RAPGEF4: variants seen among roughly 807,000 people sequenced by gnomAD.
RAPGEF4 encodes Rap guanine nucleotide exchange factor 4.
Under a neutral mutation model 147.9 loss-of-function variants are expected in RAPGEF4, and 66 were observed. That is an observed-to-expected ratio of 0.45 (90% CI 0.37 to 0.55). The LOEUF (loss-of-function observed/expected upper bound fraction) is 0.55, where lower values mean the gene tolerates loss of function less well. RAPGEF4 is among the 20% of genes least tolerant of loss of function. The pLI, the probability that RAPGEF4 is intolerant of heterozygous loss-of-function variation, is 0.00. For missense variants in RAPGEF4, 1,071 were observed against 1,257.3 expected (o/e 0.85, Z 2.24); for synonymous variants, 419 against 442.7 (o/e 0.95, Z 0.67).
intron 4 of RAPGEF4, among the ~76,000 whole-genome samples, chr2:172,851,477 A>G (rs1692819792): frequency 6.6e-6 from 1 of 152,292 alleles, no homozygotes; most frequent in South Asian, 2.1e-4. Context: ...TCGAGCGACT[A>G]TAAAGACACA....
At chr2:172,799,240 G>T (rs1289441190) in intron 3 of RAPGEF4, among the ~76,000 whole-genome samples, 1 of 152,112 alleles carries the variant, frequency 6.6e-6, no homozygotes, top group Non-Finnish European at 1.5e-5. Context: ...CAACCATGAG[G>T]TAGGTCGTAT....
At chr2:172,789,130 A>G (rs934965080) in intron 1 of RAPGEF4, among the ~76,000 whole-genome samples, 5 of 152,236 alleles carry the variant, frequency 3.3e-5, no homozygotes, top group African/African-American at 1.2e-4. Context: ...TGCCAGCAAA[A>G]GAACCTCTCA....
At chr2:172,926,404 G>C (rs775027124) in intron 6 of RAPGEF4, among the ~76,000 whole-genome samples, 2 of 152,102 alleles carry the variant, frequency 1.3e-5, no homozygotes, top group Non-Finnish European at 2.9e-5. Flanking sequence ...ACTGCTATGG[G>C]GTTTCCTAGT....
chr2:173,027,119 T>A lies in RAPGEF4; in HGVS notation c.2418T>A (p.Phe806Leu). The A allele has an allele frequency of 6.2e-7, 1 of 1,610,046 alleles. No homozygotes were observed. Among genetic ancestry groups the A allele is most frequent in the East Asian group, 2.2e-5 (1 of 44,836 alleles). Reference sequence around the variant, plus strand: ...ATCACACATTTGGAAGGCATAATTTTAAAAAGACCACAGCAAACTTGGATT... The same window carrying A: ...ATCACACATTTGGAAGGCATAATTTAAAAAAGACCACAGCAAACTTGGATT... ...LIYHTFGRHN[F>L]KKTTANLDLF... The change falls in exon 25 of 31, where the codon TTT becomes TTA. Residue 806 changes from phenylalanine to leucine, a missense_variant. Transcript: ENST00000397081.
chr2:172,974,573 A>C (rs550759433), intron 10 of RAPGEF4, among the ~76,000 whole-genome samples: 1 of 152,232 alleles, frequency 6.6e-6, no homozygotes, highest in Admixed American at 6.5e-5. Context: ...AATCCCAGCT[A>C]TCAGGAGGCT....
At chr2:172,968,166 C>A (rs1452934256) in intron 10 of RAPGEF4, among the ~76,000 whole-genome samples, 1 of 152,204 alleles carries the variant, frequency 6.6e-6, no homozygotes, top group Non-Finnish European at 1.5e-5. Flanking sequence ...TCCTGATCCT[C>A]AGGGAAACCT....
rs1575007370 is a variant in RAPGEF4, at chr2:172,841,455, A to ATGGCTG, written c.444+27030_444+27031insTGGCTG. On this transcript the variant is annotated intron_variant, in intron 4 of 30. Transcript: ENST00000397081. Reference sequence around the variant, plus strand: ...TCTTCTTTATAAACTACCCAGCCTCAGGTATTCCTTTATGGCAATACAAAC... The same window carrying ATGGCTG: ...TCTTCTTTATAAACTACCCAGCCTCATGGCTGGGTATTCCTTTATGGCAATACAAAC... Among the ~76,000 whole-genome samples, 5 of 152,312 alleles carry ATGGCTG rather than the reference A, an allele frequency of 3.3e-5. No individual in the cohort carries two copies. In the East Asian group the frequency reaches 9.6e-4, roughly 29 times the overall value.
At chr2:172,777,330 CATT>C (rs1026153905) in intron 1 of RAPGEF4, among the ~76,000 whole-genome samples, 2 of 151,734 alleles carry the variant, frequency 1.3e-5, no homozygotes, top group African/African-American at 4.8e-5. Flanking sequence ...ATAATCCAGA[CATT>C]GTTCTCGGTA....
chr2:172,979,666 C>T (rs908044656), intron 10 of RAPGEF4, among the ~76,000 whole-genome samples: 9 of 152,138 alleles, frequency 5.9e-5, no homozygotes, highest in African/African-American at 4.8e-5. Context: ...AAATAACATT[C>T]GTGACAGTAT....
chr2:172,958,519 G>A (rs528426655), intron 6 of RAPGEF4, among the ~76,000 whole-genome samples: 4 of 152,284 alleles, frequency 2.6e-5, no homozygotes, highest in Middle Eastern at 3.4e-3. Flanking sequence ...GCAAGTACAG[G>A]GACTCTGTGA....
At chr2:172,898,203 C>T (rs1180511829) in intron 4 of RAPGEF4, among the ~76,000 whole-genome samples, 1 of 152,132 alleles carries the variant, frequency 6.6e-6, no homozygotes, top group Admixed American at 6.5e-5. Context: ...GAAGCTAAAG[C>T]TCTGAAAGGG....
chr2:172,988,049 C>A, intron 12 of RAPGEF4, 147 bp from the exon 13 acceptor site: 1 of 1,252,628 alleles, frequency 8.0e-7, no homozygotes, highest in Non-Finnish European at 1.0e-6. Flanking sequence ...AATGTGCCAC[C>A]TGAACAAGTT....
intron 15 of RAPGEF4, 149 bp downstream of exon 15, chr2:172,991,074 G>T (rs1225448033): frequency 7.8e-6 from 5 of 641,418 alleles, no homozygotes; most frequent in African/African-American, 7.3e-5. Flanking sequence ...CACACATCTT[G>T]TGGAGTATAA....
intron 26 of RAPGEF4, among the ~76,000 whole-genome samples, chr2:173,033,284 T>C (rs1301170866): frequency 6.6e-6 from 1 of 152,162 alleles, no homozygotes; most frequent in Non-Finnish European, 1.5e-5. Flanking sequence ...AATTACAGGC[T>C]CTAATGAGAA....
intron 4 of RAPGEF4, among the ~76,000 whole-genome samples, chr2:172,905,262 T>C (rs541158274): frequency 9.2e-5 from 14 of 152,140 alleles, no homozygotes; most frequent in Non-Finnish European, 2.1e-4. Flanking sequence ...TCCAGGTATT[T>C]GTACTGTCAT....
At chr2:172,988,911 CAT>C in intron 14 of RAPGEF4, 72 bp downstream of exon 14, 1 of 1,503,892 alleles carries the variant, frequency 6.6e-7, no homozygotes, top group Non-Finnish European at 9.1e-7. Context: ...AAGCTTTGAG[CAT>C]AGTCTTAATT....
intron 4 of RAPGEF4, among the ~76,000 whole-genome samples, chr2:172,833,988 T>C (rs1690652276): frequency 6.6e-6 from 1 of 152,232 alleles, no homozygotes; most frequent in South Asian, 2.1e-4. Flanking sequence ...GAGATGCTAC[T>C]TCAGGAAGCT....
chr2:172,738,244 GAAATGCTATCTTGATCCTCTTTT>G (rs1326728022), intron 1 of RAPGEF4, among the ~76,000 whole-genome samples: 1 of 152,182 alleles, frequency 6.6e-6, no homozygotes, highest in Admixed American at 6.5e-5. Flanking sequence ...CAGGCACTGT[GAAATGCTATCTTGATCCTCTTTT>G]AAATGCTATC....
chr2:172,985,596 C>A, intron 12 of RAPGEF4, 103 bp downstream of exon 12: 1 of 1,542,496 alleles, frequency 6.5e-7, no homozygotes, highest in South Asian at 1.3e-5. Flanking sequence ...GGCCCCGGGT[C>A]TGGCTTGGTG....
Sources: allele counts gnomAD v4.1 joint callset (sites outside exome capture counted in the v4.1 genomes callset), GRCh38; gene constraint gnomAD v4.1.1; transcripts MANE v1.5; gene names NCBI Gene and HGNC (gene_info 2026-07-23, HGNC 2026-07-21).